The following TLE6 variants were observed in gnomAD, a reference collection of about 807,000 sequenced individuals.
TLE6 encodes the protein transducin-like enhancer protein 6.
A neutral mutation model predicts 77.1 loss-of-function variants in TLE6; 72 were observed. The ratio of observed to expected loss-of-function variants is 0.93; its 90% CI spans 0.77 to 1.14. TLE6 has a LOEUF of 1.14. Among genes scored for constraint, TLE6 ranks in the 50% most tolerant of loss-of-function variants. The pLI is 0.00. For missense variants in TLE6, 843 were observed against 747.6 expected (o/e 1.13, Z -1.49); for synonymous variants, 366 against 287.3 (o/e 1.27, Z -2.77).
In TLE6 at chr19:2,989,130, A is replaced by G; in HGVS notation, c.810A>G (p.Arg270=). 6.2e-7 allele frequency: 1 copy of G among 1,614,052 alleles called. No individual in the cohort carries two copies. Among genetic ancestry groups the G allele is most frequent in the Non-Finnish European group, 8.5e-7 (1 of 1,180,032 alleles). Residue 270 remains arginine, a synonymous_variant, in exon 12 of 17, where the codon AGA becomes AGG. Coordinates refer to ENST00000246112, the MANE Select transcript of TLE6 (RefSeq NM_001143986.2). ...RPDALPGQSK[R]LAVPCKLEKM... is the part of the protein sequence containing the mutation. ...ATGCCTTGCCCGGGCAGTCAAAGAG[A>G]CTCGCCGTCCCGTGCAAACTGGAAA...
chr19:2,993,938 AAAAAG>A, intron 15 of TLE6, 76 bp from the exon 16 acceptor site: 2 of 946,928 alleles, frequency 2.1e-6, no homozygotes, highest in Non-Finnish European at 1.6e-6. Flanking sequence ...AAAAAAAAAA[AAAAAG>A]GTGGGTGGGG....
At chr19:2,994,666 T>C (rs2089168713) in intron 16 of TLE6, among the ~76,000 whole-genome samples, 1 of 151,992 alleles carries the variant, frequency 6.6e-6, no homozygotes. Context: ...TAGCTGAGTG[T>C]GGTGGTGCAC....
At chr19:2,989,006 A>T (rs890095746) in intron 11 of TLE6, 55 bp from the exon 12 acceptor site, 42 of 1,597,770 alleles carry the variant, frequency 2.6e-5, no homozygotes, top group Non-Finnish European at 3.2e-5. Flanking sequence ...TGTGGCTCCC[A>T]CTGGGCAAAG....
intron 11 of TLE6, among the ~76,000 whole-genome samples, chr19:2,988,558 A>G (rs1056170808): frequency 5.3e-5 from 8 of 152,036 alleles, no homozygotes; most frequent in Admixed American, 6.6e-5. Flanking sequence ...AGATCGCGCC[A>G]CTGCACTCCA....
chr19:2,988,932 G>GGT, intron 11 of TLE6, 129 bp from the exon 12 acceptor site: 1 of 1,334,762 alleles, frequency 7.5e-7, no homozygotes, highest in Non-Finnish European at 1.0e-6. Flanking sequence ...GAGTCTAGAG[G>GGT]GTAAAACAAG....
chr19:2,990,373 C>T lies in TLE6; in HGVS notation c.1244+588C>T, dbSNP rs1013985917. Among the ~76,000 whole-genome samples the T allele has an allele frequency of 5.3e-5, 8 of 151,238 alleles. No individual in the cohort carries two copies. The South Asian group carries it at 1.7e-3, about 31-fold the overall frequency. ...CTCCCAGCAGTTAGGGAGGCCGAGGCAGGCAGATCCACGAGGTCAGGAGAT... is the reference window on the plus strand; with the variant it reads ...CTCCCAGCAGTTAGGGAGGCCGAGGTAGGCAGATCCACGAGGTCAGGAGAT... On this transcript the variant is annotated intron_variant, in intron 13 of 16. Coordinates refer to ENST00000246112, the MANE Select transcript of TLE6 (RefSeq NM_001143986.2).
chr19:2,993,048 A>C (rs1218829079), intron 14 of TLE6, among the ~76,000 whole-genome samples: 1 of 150,436 alleles, frequency 6.6e-6, no homozygotes, highest in Non-Finnish European at 1.5e-5. Flanking sequence ...AAAAAAAAAA[A>C]AAAAACAGAA....
chr19:2,987,313 G>C, intron 7 of TLE6, 43 bp from the exon 8 acceptor site: 4 of 1,614,218 alleles, frequency 2.5e-6, no homozygotes, highest in Non-Finnish European at 3.4e-6. Flanking sequence ...GAACCCTGCT[G>C]TTCTCTCTGT....
chr19:2,978,139 T>C (rs2145007882), intron 1 of TLE6, 59 bp from the exon 2 acceptor site: 3 of 1,373,392 alleles, frequency 2.2e-6, no homozygotes, highest in Non-Finnish European at 3.0e-6. Context: ...GGTGCCTTGC[T>C]TCCCTGGCAC....
At position 2,993,548 on chromosome 19, in the gene TLE6, CAGCGTCATCCTG is replaced by C. The variant is rs770678774; in HGVS notation, c.1511_1522del (p.Ile504_Val507del). On this transcript the variant is annotated inframe_deletion, in exon 15 of 17. Coordinates refer to ENST00000246112, the MANE Select transcript of TLE6 (RefSeq NM_001143986.2). ...AGCGGCACATGGTGGGGCAAAAAGA[CAGCGTCATCCTG>C]AGCGTCAAGTTCTCCCCCTTTGGTA... is the stretch of plus-strand genomic sequence containing the variant. The C allele has an allele frequency of 1.3e-6, 2 of 1,583,446 alleles. No individual in the cohort carries two copies. The highest frequency in any genetic ancestry group is 1.7e-6 in the Non-Finnish European group (2 of 1,157,616).
intron 5 of TLE6, among the ~76,000 whole-genome samples, chr19:2,983,170 GA>G (rs1265799938): frequency 1.3e-5 from 2 of 152,202 alleles, no homozygotes; most frequent in African/African-American, 4.8e-5. Context: ...GGAACAGGGT[GA>G]GGGGGGGCCA....
At chr19:2,982,491 T>A (rs952213615) in intron 5 of TLE6, among the ~76,000 whole-genome samples, 1 of 142,314 alleles carries the variant, frequency 7.0e-6, no homozygotes. Flanking sequence ...TGAGGCAAGA[T>A]CGTGGAACTG....
intron 5 of TLE6, among the ~76,000 whole-genome samples, chr19:2,985,053 C>T (rs1174226803): frequency 6.6e-6 from 1 of 151,652 alleles, no homozygotes; most frequent in South Asian, 2.1e-4. Flanking sequence ...GAGTTCGAGA[C>T]CAGCCTGGCC....
intron 2 of TLE6, among the ~76,000 whole-genome samples, chr19:2,979,026 A>G (rs961908926): frequency 6.6e-6 from 1 of 152,090 alleles, no homozygotes; most frequent in Non-Finnish European, 1.5e-5. Context: ...ATCTCAGCTC[A>G]CTGCAACCTC....
intron 13 of TLE6, 55 bp downstream of exon 13, chr19:2,989,840 C>G (rs903724545): frequency 1.3e-5 from 20 of 1,594,054 alleles, no homozygotes; most frequent in Non-Finnish European, 1.7e-5. Flanking sequence ...CTGTGGCCAC[C>G]TCTGCCCACC....
intron 16 of TLE6, among the ~76,000 whole-genome samples, chr19:2,994,484 C>T (rs1024453477): frequency 2.0e-5 from 3 of 151,724 alleles, no homozygotes; most frequent in South Asian, 2.1e-4. Context: ...GTGGTGGGCG[C>T]CTGTAGTCCC....
intron 13 of TLE6, 24 bp from the exon 14 acceptor site, chr19:2,991,819 C>T (rs2089072114): frequency 1.2e-6 from 2 of 1,611,812 alleles, no homozygotes; most frequent in Admixed American, 1.7e-5. Flanking sequence ...GACCTGATTG[C>T]CTCCCGATGT....
intron 4 of TLE6, 109 bp downstream of exon 4, chr19:2,981,692 C>A: frequency 1.7e-6 from 2 of 1,193,380 alleles, no homozygotes; most frequent in Non-Finnish European, 2.4e-6. Context: ...TCTTTTCCGC[C>A]AAGCACTGTG....
chr19:2,980,003 C>T (rs1362616386), intron 2 of TLE6, 97 bp from the exon 3 acceptor site: 10 of 836,370 alleles, frequency 1.2e-5, no homozygotes, highest in African/African-American at 1.8e-5. Flanking sequence ...ATTACTTTTG[C>T]ACCAACCTAA....
Sources: allele counts gnomAD v4.1 joint callset (sites outside exome capture counted in the v4.1 genomes callset), GRCh38; gene constraint gnomAD v4.1.1; transcripts MANE v1.5; gene names NCBI Gene and HGNC (gene_info 2026-07-23, HGNC 2026-07-21).